SPIDR: variants seen among roughly 807,000 people sequenced by gnomAD.
The protein encoded by SPIDR is DNA repair-scaffolding protein.
In SPIDR, 93 loss-of-function variants were observed where a neutral mutation model predicts 104.6. That is an observed-to-expected ratio of 0.89 (90% CI 0.75 to 1.06). SPIDR has a LOEUF of 1.06. SPIDR is among the 50% of genes least tolerant of loss of function. The pLI, the probability that SPIDR is intolerant of heterozygous loss-of-function variation, is 0.00. For missense variants in SPIDR, 1,154 were observed against 1,111.2 expected (o/e 1.04, Z -0.55); for synonymous variants, 431 against 416.9 (o/e 1.03, Z -0.41).
intron 10 of SPIDR, among the ~76,000 whole-genome samples, chr8:47,647,979 G>C (rs761521687): frequency 2.6e-5 from 4 of 152,138 alleles, no homozygotes; most frequent in Non-Finnish European, 5.9e-5. Context: ...GGGTAGGGTT[G>C]GGACTCTGAT....
chr8:47,431,090 T>C (rs1444910748), intron 7 of SPIDR, among the ~76,000 whole-genome samples: 1 of 152,220 alleles, frequency 6.6e-6, no homozygotes, highest in African/African-American at 2.4e-5. Context: ...TGCTGGAGGC[T>C]GGTAGCCAGG....
chr8:47,547,544 A>C (rs752525212), intron 8 of SPIDR: 1 of 178,524 alleles, frequency 5.6e-6, no homozygotes, highest in Non-Finnish European at 1.2e-5. Flanking sequence ...CTCCTGGCTC[A>C]GCCTCGGCCT....
chr8:47,723,591 G>A (rs533655482), intron 16 of SPIDR, among the ~76,000 whole-genome samples: 49 of 151,844 alleles, frequency 3.2e-4, no homozygotes, highest in Non-Finnish European at 5.0e-4. Context: ...CACCATGCCC[G>A]GCTAATTTTT....
At chr8:47,594,647 T>C (rs1235727102) in intron 8 of SPIDR, among the ~76,000 whole-genome samples, 2 of 152,094 alleles carry the variant, frequency 1.3e-5, no homozygotes, top group East Asian at 1.9e-4. Context: ...CACATGTTAC[T>C]GTTTCCGGGT....
chr8:47,553,796 G>T (rs2090933717), intron 8 of SPIDR, among the ~76,000 whole-genome samples: 1 of 152,178 alleles, frequency 6.6e-6, no homozygotes, highest in Non-Finnish European at 1.5e-5. Flanking sequence ...TGCTGGCAAG[G>T]AACTGTCTTC....
At chr8:47,313,457 G>T (rs905316717) in intron 5 of SPIDR, among the ~76,000 whole-genome samples, 1 of 152,188 alleles carries the variant, frequency 6.6e-6, no homozygotes, top group Non-Finnish European at 1.5e-5. Flanking sequence ...TGGGTAGAAA[G>T]AATCAATGTC....
At chr8:47,572,360 AAG>A (rs1360760282) in intron 8 of SPIDR, among the ~76,000 whole-genome samples, 1 of 152,120 alleles carries the variant, frequency 6.6e-6, no homozygotes, top group African/African-American at 2.4e-5. Context: ...TGGTCAAAAA[AAG>A]GTGTAAAAAC....
At chr8:47,526,340 A>G (rs953208055) in intron 8 of SPIDR, among the ~76,000 whole-genome samples, 5 of 152,220 alleles carry the variant, frequency 3.3e-5, no homozygotes, top group East Asian at 1.9e-4. Flanking sequence ...TGAGTTTACT[A>G]TTAACAAAGA....
chr8:47,654,025 G>A, intron 10 of SPIDR: 1 of 1,288,260 alleles, frequency 7.8e-7, no homozygotes, highest in Non-Finnish European at 1.0e-6. Context: ...TTCCATGAGG[G>A]GAACAGGCGG....
Position 47,467,150 on chromosome 8 carries a change from C to G in SPIDR, c.1097+26608C>G, listed in dbSNP as rs535879848. On this transcript the variant is annotated intron_variant, in intron 8 of 19. Transcript: ENST00000297423. ...AAATTCCTGGATGCATGCACCCTCC[C>G]AGGATTGAACTAGGAAGAAATTGAA... Among the ~76,000 whole-genome samples the G allele has an allele frequency of 6.4e-4, 98 of 151,986 alleles. 2 individuals carry two copies. The highest frequency in any genetic ancestry group is 2.2e-3 in the African/African-American group (92 of 41,472).
intron 1 of SPIDR, among the ~76,000 whole-genome samples, chr8:47,261,547 T>A (rs2032321234): frequency 6.6e-6 from 1 of 152,238 alleles, no homozygotes; most frequent in African/African-American, 2.4e-5. Flanking sequence ...GTGCATCCTT[T>A]TTTGTTCTGC....
intron 10 of SPIDR, among the ~76,000 whole-genome samples, chr8:47,602,689 G>C (rs1157587980): frequency 6.6e-6 from 1 of 152,150 alleles, no homozygotes; most frequent in Non-Finnish European, 1.5e-5. Context: ...TCACTTTTCT[G>C]ATACCAGTAA....
intron 5 of SPIDR, among the ~76,000 whole-genome samples, chr8:47,322,193 C>T (rs186626586): frequency 2.0e-5 from 3 of 152,266 alleles, no homozygotes; most frequent in Admixed American, 1.3e-4. Context: ...ACAGTCTGCT[C>T]ATCTGACAAA....
intron 5 of SPIDR, among the ~76,000 whole-genome samples, chr8:47,304,802 A>G (rs2042844819): frequency 6.6e-6 from 1 of 152,256 alleles, no homozygotes; most frequent in Non-Finnish European, 1.5e-5. Context: ...CATTAAAAGA[A>G]TGGTATATAT....
intron 6 of SPIDR, among the ~76,000 whole-genome samples, chr8:47,397,248 A>G (rs2061346429): frequency 6.6e-6 from 1 of 152,216 alleles, no homozygotes; most frequent in South Asian, 2.1e-4. Flanking sequence ...CTGTAATCCC[A>G]GCACTTTGGG....
chr8:47,552,370 G>T (rs532181316), intron 8 of SPIDR, among the ~76,000 whole-genome samples: 1 of 152,138 alleles, frequency 6.6e-6, no homozygotes, highest in African/African-American at 2.4e-5. Flanking sequence ...TTACAGTGGG[G>T]TGTTAAAGTC....
rs1554696128 is a variant in SPIDR, at chr8:47,440,513, C to G, written c.1068C>G (p.Pro356=). The change falls in exon 8 of 20, where the codon CCC becomes CCG. Residue 356 remains proline (P), a synonymous_variant. Transcript: ENST00000297423. The part of the protein sequence containing the change: ...KETAGYLRGR[P]QDTVRIFPPW... ...CTGCAGGCTACCTCAGGGGCCGTCC[C>G]CAGGACACTGTCCGGATCTTCCCTC... 1.9e-6 allele frequency: 3 copies of G among 1,614,084 alleles called. No individual in the cohort carries two copies. Among genetic ancestry groups the G allele is most frequent in the Admixed American group, 3.3e-5 (2 of 60,012 alleles).
intron 5 of SPIDR, among the ~76,000 whole-genome samples, chr8:47,349,334 T>C (rs2052915625): frequency 6.6e-6 from 1 of 152,212 alleles, no homozygotes; most frequent in South Asian, 2.1e-4. Flanking sequence ...ATCCTTCCTC[T>C]GGGAGCTTCG....
chr8:47,373,355 T>G (rs2058268607), intron 5 of SPIDR, among the ~76,000 whole-genome samples: 1 of 152,226 alleles, frequency 6.6e-6, no homozygotes, highest in Non-Finnish European at 1.5e-5. Flanking sequence ...TTACTTATAG[T>G]GTGGAGAAAA....
Sources: gnomAD v4.1 joint callset for allele counts (sites outside exome capture counted in the v4.1 genomes callset) on GRCh38, gnomAD v4.1.1 for gene constraint, MANE v1.5 for transcripts, NCBI Gene and HGNC (gene_info 2026-07-23, HGNC 2026-07-21) for gene names.